The following TYW1B variants were observed in gnomAD, a reference collection of about 807,000 sequenced individuals.
The protein encoded by TYW1B is tRNA-yW synthesizing protein 1 homolog B.
Under a neutral mutation model 86.9 loss-of-function variants are expected in TYW1B, and 73 were observed. That is an observed-to-expected ratio of 0.84 (90% CI 0.70 to 1.02). TYW1B has a LOEUF of 1.02. TYW1B is among the 50% of genes least tolerant of loss of function. The pLI is 0.00. For synonymous variants in TYW1B, 248 were observed against 292.8 expected (o/e 0.85, Z 1.56); for missense variants, 637 against 827.4 (o/e 0.77, Z 2.82).
intron 11 of TYW1B, among the ~76,000 whole-genome samples, chr7:72,677,083 A>C (rs2129569844): frequency 6.6e-6 from 1 of 152,300 alleles, no homozygotes; most frequent in East Asian, 1.9e-4. Context: ...ATATACTAAA[A>C]ATCATACTTT....
chr7:72,695,223 C>T (rs1814287288), intron 10 of TYW1B, among the ~76,000 whole-genome samples: 1 of 152,144 alleles, frequency 6.6e-6, no homozygotes. Flanking sequence ...GCTGGGCCAC[C>T]TCCCTCCATC....
intron 7 of TYW1B, among the ~76,000 whole-genome samples, chr7:72,752,505 T>C (rs1585955919): frequency 6.6e-6 from 1 of 152,022 alleles, no homozygotes; most frequent in Admixed American, 6.6e-5. Context: ...CCGAGGCAGG[T>C]GGATCACTTG....
chr7:72,587,454 G>GA (rs1277875753), intron 13 of TYW1B, among the ~76,000 whole-genome samples: 7 of 152,130 alleles, frequency 4.6e-5, no homozygotes, highest in African/African-American at 1.7e-4. Context: ...TGGGTGGGGG[G>GA]AAGCCAGTGA....
chr7:72,752,759 A>AC (rs148261274), intron 7 of TYW1B, among the ~76,000 whole-genome samples: 6 of 151,904 alleles, frequency 3.9e-5, no homozygotes, highest in East Asian at 1.9e-4. Context: ...AAACAAACAA[A>AC]AAAACCTCAT....
intron 8 of TYW1B, among the ~76,000 whole-genome samples, chr7:72,729,328 C>T (rs1554459382): frequency 6.6e-6 from 1 of 152,158 alleles, no homozygotes; most frequent in Non-Finnish European, 1.5e-5. Context: ...GGAAATCACA[C>T]TGACAGGGCC....
rs1239640717 is a variant in TYW1B, at chr7:72,632,285, G to GTATATATATATATATATATTA, written c.1507-3289_1507-3288insTAATATATATATATATATATA. The stretch of plus-strand genomic sequence containing the variant: ...AAAAAATATATATATATATATACGT[G>GTATATATATATATATATATTA]TATATATATATATACGTGTATATAT... On this transcript the variant is annotated intron_variant, in intron 11 of 13. Transcript: ENST00000620995. Among the ~76,000 whole-genome samples the GTATATATATATATATATATTA allele has an allele frequency of 5.4e-3, 450 of 83,540 alleles. 36 individuals carry two copies. Among genetic ancestry groups the GTATATATATATATATATATTA allele is most frequent in the African/African-American group, 0.03 (409 of 13,832 alleles). The allele number at this position is 83,540 out of a possible 152,430, so 54.8% of individuals were successfully genotyped here.
intron 13 of TYW1B, among the ~76,000 whole-genome samples, chr7:72,606,780 G>A (rs1811812072): frequency 6.6e-6 from 1 of 151,842 alleles, no homozygotes; most frequent in African/African-American, 2.4e-5. Flanking sequence ...AATAGAAGCT[G>A]AGAGGGGAAC....
At chr7:72,799,611 G>A (rs1344330107) in intron 6 of TYW1B, among the ~76,000 whole-genome samples, 1 of 151,816 alleles carries the variant, frequency 6.6e-6, no homozygotes, top group Non-Finnish European at 1.5e-5. Context: ...GACTACAGAC[G>A]CCCACCACCA....
intron 11 of TYW1B, among the ~76,000 whole-genome samples, chr7:72,637,992 A>T (rs1185681794): frequency 6.6e-6 from 1 of 151,840 alleles, no homozygotes; most frequent in South Asian, 2.1e-4. Context: ...GCTTTTAAAA[A>T]TTTCATAAAA....
chr7:72,748,263 C>T (rs1344322040), intron 7 of TYW1B, among the ~76,000 whole-genome samples: 9 of 151,622 alleles, frequency 5.9e-5, no homozygotes, highest in African/African-American at 1.9e-4. Flanking sequence ...AGCGAGACTC[C>T]GCCTCAAAAA....
chr7:72,794,555 C>CAA (rs1177719954), intron 6 of TYW1B, among the ~76,000 whole-genome samples: 1 of 132,884 alleles, frequency 7.5e-6, no homozygotes, highest in East Asian at 2.2e-4. Context: ...GATTCTGTCT[C>CAA]AAAAAAAAAA....
chr7:72,721,811 C>A (rs1260099099), intron 9 of TYW1B, among the ~76,000 whole-genome samples: 5 of 152,112 alleles, frequency 3.3e-5, no homozygotes, highest in African/African-American at 1.2e-4. Flanking sequence ...TCTTTCTGAT[C>A]TTGGATAATC....
intron 1 of TYW1B, 89 bp downstream of exon 1, chr7:72,827,983 C>T (rs1788970590): frequency 5.7e-6 from 9 of 1,589,040 alleles, no homozygotes; most frequent in Middle Eastern, 1.8e-4. Flanking sequence ...AGGAAGGGGA[C>T]CGAGGACGCC....
At chr7:72,736,193 A>G (rs1265155337) in intron 8 of TYW1B, among the ~76,000 whole-genome samples, 2 of 152,140 alleles carry the variant, frequency 1.3e-5, no homozygotes, top group East Asian at 1.9e-4. Context: ...ATTTGTCCCA[A>G]TTGGCTAGCA....
At chr7:72,681,586 T>C (rs1554448464) in intron 11 of TYW1B, among the ~76,000 whole-genome samples, 1 of 148,400 alleles carries the variant, frequency 6.7e-6, no homozygotes, top group African/African-American at 2.5e-5. Flanking sequence ...GTGTTATATT[T>C]ACTTCTTTTT....
At chr7:72,677,868 A>G (rs1554447747) in intron 11 of TYW1B, among the ~76,000 whole-genome samples, 1 of 151,894 alleles carries the variant, frequency 6.6e-6, no homozygotes, top group Non-Finnish European at 1.5e-5. Flanking sequence ...TGCCCGGCTA[A>G]TTTTTGTATT....
chr7:72,780,640 T>C (rs1348508151), intron 6 of TYW1B, among the ~76,000 whole-genome samples: 1 of 152,086 alleles, frequency 6.6e-6, no homozygotes, highest in Admixed American at 6.6e-5. Context: ...GTCCCTTCAC[T>C]AGAGAAAGTA....
At chr7:72,805,864 TAA>T (rs1788484408) in intron 5 of TYW1B, among the ~76,000 whole-genome samples, 1 of 152,092 alleles carries the variant, frequency 6.6e-6, no homozygotes, top group African/African-American at 2.4e-5. Context: ...AGTCAGAATG[TAA>T]AGTTGCTGCT....
At position 72,809,619 on chromosome 7, in the gene TYW1B, TC is replaced by T. The variant is rs1289021266; in HGVS notation, c.432+851del. Among the ~76,000 whole-genome samples, 8 of 151,872 alleles carry T rather than the reference TC, an allele frequency of 5.3e-5. 1 individual carries two copies. The highest frequency in any genetic ancestry group is 3.9e-4 in the Admixed American group (6 of 15,204). The stretch of plus-strand genomic sequence containing the variant: ...GAGAATGCTGATCAGGTCACTGCAT[TC>T]CAGCCTGGATGACAAAGCAAGACCC... On this transcript the variant is annotated intron_variant, in intron 4 of 13. Coordinates refer to ENST00000620995, the MANE Select transcript of TYW1B (RefSeq NM_001145440.3).
Sources: allele counts gnomAD v4.1 joint callset (sites outside exome capture counted in the v4.1 genomes callset), GRCh38; gene constraint gnomAD v4.1.1; transcripts MANE v1.5; gene names NCBI Gene and HGNC (gene_info 2026-07-23, HGNC 2026-07-21).